The following PIK3R3 variants were observed in gnomAD, a reference collection of about 807,000 sequenced individuals.
PIK3R3 encodes the protein phosphoinositide-3-kinase regulatory subunit 3.
A neutral mutation model predicts 62.9 loss-of-function variants in PIK3R3; 64 were observed. The observed-to-expected ratio is 1.02, with a 90% CI of 0.83 to 1.25. The LOEUF (loss-of-function observed/expected upper bound fraction) is 1.25. PIK3R3 is among the 50% of genes most tolerant of loss of function. PIK3R3 has a pLI of 0.00. For synonymous variants in PIK3R3, 165 were observed against 189.0 expected, an observed-to-expected ratio of 0.87 and a Z score of 1.04; for missense variants, 614 against 561.6, an observed-to-expected ratio of 1.09 and a Z score of -0.94.
chr1:46,112,316 T>C (rs1461145893), intron 1 of PIK3R3, among the ~76,000 whole-genome samples: 1 of 152,212 alleles, frequency 6.6e-6, no homozygotes, highest in African/African-American at 2.4e-5. Flanking sequence ...TGCGAAATAT[T>C]CCACAGTACA....
At chr1:46,063,781 A>G (rs975180123) in intron 5 of PIK3R3, among the ~76,000 whole-genome samples, 1 of 152,172 alleles carries the variant, frequency 6.6e-6, no homozygotes, top group South Asian at 2.1e-4. Flanking sequence ...CGTATCAGCT[A>G]ACCCCTTTTA....
At chr1:46,140,253 C>G in the PIK3R3 span, among the ~76,000 whole-genome samples, 2 of 152,178 alleles carry the variant, frequency 1.3e-5, no homozygotes, top group Non-Finnish European at 2.9e-5. Flanking sequence ...CGCAGCCTCC[C>G]ATGTGCTAGG....
the PIK3R3 span, among the ~76,000 whole-genome samples, chr1:46,146,686 TACACACAC>T: frequency 0.026 from 2,389 of 92,584 alleles, 102 homozygotes; most frequent in East Asian, 0.03. Flanking sequence ...CCTCCAACTC[TACACACAC>T]ACACACACAC....
chr1:46,096,840 TAA>T (rs201258613), intron 1 of PIK3R3, among the ~76,000 whole-genome samples: 13 of 126,914 alleles, frequency 1.0e-4, no homozygotes, highest in Admixed American at 1.6e-4. Flanking sequence ...GACTCTGTCT[TAA>T]AAAAAAAAAA....
chr1:46,046,515 A>G (rs1557549031), intron 8 of PIK3R3, 36 bp downstream of exon 8: 8 of 1,381,668 alleles, frequency 5.8e-6, no homozygotes, highest in Non-Finnish European at 8.3e-6. Context: ...TATTGATAAC[A>G]AAGCCCTCTG....
At chr1:46,109,586 C>G (rs559317358) in intron 1 of PIK3R3, among the ~76,000 whole-genome samples, 2 of 151,986 alleles carry the variant, frequency 1.3e-5, no homozygotes, top group East Asian at 3.9e-4. Context: ...TGGGTTCAAG[C>G]GATTCTCCTG....
chr1:46,104,925 CAAAAA>C (rs757829828), intron 1 of PIK3R3: 1,668 of 194,264 alleles, frequency 8.6e-3, no homozygotes, highest in Middle Eastern at 0.01. Context: ...AAGACTCCAT[CAAAAA>C]AAAAAAAAAA....
chr1:46,060,081 C>T (rs1290357314), intron 6 of PIK3R3, among the ~76,000 whole-genome samples: 3 of 152,148 alleles, frequency 2.0e-5, no homozygotes, highest in Non-Finnish European at 4.4e-5. Flanking sequence ...GCGTGGGCGA[C>T]AGAGCGAGAC....
rs76509464 is a variant in PIK3R3 at position 46,123,373 on chromosome 1, G to A, written c.106+8474C>T. On this transcript the variant is annotated intron_variant, in intron 1 of 9. Coordinates refer to ENST00000262741, the MANE Select transcript of PIK3R3 (RefSeq NM_003629.4). ...GCTTGAGATAGGAATGAGCAATCAGGGTATTGGGCTAGAAGGAATTCGACT... is the reference window on the plus strand; with the variant it reads ...GCTTGAGATAGGAATGAGCAATCAGAGTATTGGGCTAGAAGGAATTCGACT... Among the ~76,000 whole-genome samples, 84 of 152,212 alleles carry A rather than the reference G, an allele frequency of 5.5e-4. No individual in the cohort carries two copies. In the East Asian group the frequency reaches 0.013, roughly 24 times the overall value.
intron 1 of PIK3R3, among the ~76,000 whole-genome samples, chr1:46,115,449 T>A (rs754496576): frequency 6.6e-6 from 1 of 152,166 alleles, no homozygotes; most frequent in Non-Finnish European, 1.5e-5. Context: ...CTCTCTAAAT[T>A]AAGGTTGCTA....
chr1:46,113,528 G>C (rs552180350), intron 1 of PIK3R3, among the ~76,000 whole-genome samples: 2 of 152,016 alleles, frequency 1.3e-5, no homozygotes, highest in South Asian at 2.1e-4. Context: ...CAGCTCAAGA[G>C]ATCCTCCCAC....
At chr1:46,051,178 G>A (rs529252114) in intron 7 of PIK3R3, among the ~76,000 whole-genome samples, 4 of 151,978 alleles carry the variant, frequency 2.6e-5, no homozygotes, top group African/African-American at 9.6e-5. Context: ...TTAAATGGGT[G>A]AACTGTATGC....
At chr1:46,168,156 A>C in the PIK3R3 span, among the ~76,000 whole-genome samples, 2 of 152,164 alleles carry the variant, frequency 1.3e-5, no homozygotes, top group African/African-American at 4.8e-5. Flanking sequence ...ATCTCAAAAA[A>C]ATAAATTAAT....
intron 2 of PIK3R3, among the ~76,000 whole-genome samples, chr1:46,079,042 G>C (rs1200661683): frequency 6.6e-6 from 1 of 152,114 alleles, no homozygotes; most frequent in African/African-American, 2.4e-5. Flanking sequence ...TCTGGAGATG[G>C]ATGGTGATGA....
chr1:46,058,359 T>C (rs570420792), intron 6 of PIK3R3, among the ~76,000 whole-genome samples: 220 of 152,364 alleles, frequency 1.4e-3, no homozygotes, highest in Non-Finnish European at 2.2e-3. Flanking sequence ...GAGTTCCTAC[T>C]GGGGCACCGC....
chr1:46,125,374 A>AG (rs1470836045), intron 1 of PIK3R3, among the ~76,000 whole-genome samples: 6 of 152,284 alleles, frequency 3.9e-5, no homozygotes, highest in African/African-American at 1.4e-4. Flanking sequence ...TAGATCATAA[A>AG]AGAAACATCT....
chr1:46,125,181 C>A (rs577790102), intron 1 of PIK3R3, among the ~76,000 whole-genome samples: 4 of 152,026 alleles, frequency 2.6e-5, no homozygotes, highest in African/African-American at 9.7e-5. Context: ...AAAGCATTAT[C>A]AAATGGGAGA....
At chr1:46,140,478 T>C in the PIK3R3 span, among the ~76,000 whole-genome samples, 1 of 152,164 alleles carries the variant, frequency 6.6e-6, no homozygotes, top group Non-Finnish European at 1.5e-5. Flanking sequence ...TGTGAACTTA[T>C]TTGGAAGAGG....
At chr1:46,094,991 T>C (rs1053739884) in intron 1 of PIK3R3, among the ~76,000 whole-genome samples, 1 of 152,230 alleles carries the variant, frequency 6.6e-6, no homozygotes, top group Non-Finnish European at 1.5e-5. Flanking sequence ...AAAATTATAC[T>C]ACTATTTCTC....
Sources: gnomAD v4.1 joint callset for allele counts (sites outside exome capture counted in the v4.1 genomes callset) on GRCh38, gnomAD v4.1.1 for gene constraint, MANE v1.5 for transcripts, NCBI Gene and HGNC (gene_info 2026-07-23, HGNC 2026-07-21) for gene names.